The following NFRKB variants were observed in gnomAD, a reference collection of about 807,000 sequenced individuals.
NFRKB encodes the protein nuclear factor related to kappaB binding protein.
A neutral mutation model predicts 135.7 loss-of-function variants in NFRKB; 62 were observed. That is an observed-to-expected ratio of 0.46 (90% CI 0.37 to 0.56). The LOEUF is 0.56. Ranked by LOEUF, NFRKB falls within the 20% of genes least tolerant of loss-of-function variation. The pLI is 0.00. For synonymous variants in NFRKB, 678 were observed against 635.6 expected, an observed-to-expected ratio of 1.07 and a Z score of -1.00; for missense variants, 1,545 against 1,662.0, an observed-to-expected ratio of 0.93 and a Z score of 1.22.
At chr11:129,864,906 AG>A in intron 26 of NFRKB, 56 bp from the exon 27 acceptor site, 2 of 1,613,420 alleles carry the variant, frequency 1.2e-6, no homozygotes, top group South Asian at 2.2e-5. Context: ...TCACCAGTTA[AG>A]AACAGCAGTG....
At chr11:129,892,157 C>T (rs903171576) in intron 3 of NFRKB, among the ~76,000 whole-genome samples, 12 of 152,008 alleles carry the variant, frequency 7.9e-5, no homozygotes, top group African/African-American at 2.7e-4. Context: ...CGCCTATCAC[C>T]CAAGCAGTGT....
Position 129,870,221 on chromosome 11 carries a change from C to A in NFRKB, c.2804G>T (p.Gly935Val). ...TGQLGVKPQT[G>V]NSIPLTATNF... is the part of the protein sequence containing the mutation. ...AGTGGCTGTGAGTGGAATGCTGTTG[C>A]CTGTTTGGGGCTTCACACCAAGCTG... Residue 935 changes from glycine to valine, a missense_variant, in exon 24 of 27, where the codon GGC (glycine) becomes GTC (valine). This residue lies in a region of NFRKB where 753 missense variants were observed against 804.3 expected (regional missense o/e 0.94). Transcript: ENST00000682444. 1 of 1,614,128 alleles carries A rather than the reference C, an allele frequency of 6.2e-7. No homozygotes were observed. Among genetic ancestry groups the A allele is most frequent in the Non-Finnish European group, 8.5e-7 (1 of 1,179,996 alleles).
chr11:129,865,138 C>T (rs202051889), intron 25 of NFRKB, 37 bp from the exon 26 acceptor site: 178 of 1,588,916 alleles, frequency 1.1e-4, no homozygotes, highest in Middle Eastern at 4.5e-4. Context: ...ATAATGATAT[C>T]GACAGGTATT....
intron 16 of NFRKB, 71 bp downstream of exon 16, chr11:129,877,254 G>T: frequency 7.0e-7 from 1 of 1,418,880 alleles, no homozygotes; most frequent in South Asian, 1.1e-5. Context: ...AGATGCAGGA[G>T]AGTCAGGCTC....
chr11:129,876,914 C>G lies in NFRKB; in HGVS notation c.1573-19G>C. On this transcript the variant is annotated intron_variant, in intron 16 of 26. Coordinates refer to ENST00000682444, the MANE Select transcript of NFRKB (RefSeq NM_001143835.2). ...AACGCTCCTACCAAGAGACAAGGGA[C>G]AAGAGTTCTAGGTCAGAATTAGTGG... 6.2e-7 allele frequency: 1 copy of G among 1,609,896 alleles called. No homozygotes were observed. Among genetic ancestry groups the G allele is most frequent in the Non-Finnish European group, 8.5e-7 (1 of 1,177,718 alleles).
chr11:129,879,779 C>A (rs1336840084), intron 13 of NFRKB, among the ~76,000 whole-genome samples: 1 of 152,182 alleles, frequency 6.6e-6, no homozygotes, highest in Non-Finnish European at 1.5e-5. Context: ...CATCTGTGCC[C>A]TGCACCACAC....
intron 17 of NFRKB, 73 bp downstream of exon 17, chr11:129,876,648 G>A: frequency 6.5e-7 from 1 of 1,529,574 alleles, no homozygotes; most frequent in South Asian, 1.2e-5. Context: ...GGAGAGGACA[G>A]AGTTCAGAGT....
At chr11:129,872,855 G>A (rs1948579383) in intron 23 of NFRKB, 29 bp downstream of exon 23, 1 of 1,561,882 alleles carries the variant, frequency 6.4e-7, no homozygotes. Flanking sequence ...ATGAAGGATT[G>A]AGATCCACGT....
At position 129,874,841 on chromosome 11, in the gene NFRKB, G is replaced by A. The variant is rs1948686336; in HGVS notation, c.1930C>T (p.Arg644Ter). Residue 644 changes from arginine to a stop codon, truncating the protein, a stop_gained, in exon 19 of 27, where the codon CGA becomes TGA. Coordinates refer to ENST00000682444, the MANE Select transcript of NFRKB (RefSeq NM_001143835.2). LOFTEE classifies it high-confidence loss of function. The surrounding 1 kb of genome is among the most constrained non-coding windows in gnomAD (Gnocchi z 4.5). ...KDPCVKYDIG[R>*]KLWIYLHRDR... is the part of the protein sequence containing the mutation. ...CGATGCAGGTAGATCCACAGCTTTC[G>A]TCCAATGTCGTATTTCACACAGGGA... The A allele has an allele frequency of 6.2e-7, 1 of 1,614,016 alleles. No homozygotes were observed. Among genetic ancestry groups the A allele is most frequent in the Non-Finnish European group, 8.5e-7 (1 of 1,180,032 alleles).
At chr11:129,883,343 A>C in intron 8 of NFRKB, 137 bp from the exon 9 acceptor site, 1 of 651,762 alleles carries the variant, frequency 1.5e-6, no homozygotes, top group Non-Finnish European at 2.8e-6. Flanking sequence ...TAGAGAGATA[A>C]AACTATTCAT....
chr11:129,886,462 A>G lies in NFRKB; in HGVS notation c.338-18T>C, dbSNP rs1034202535. The G allele has an allele frequency of 6.2e-7, 1 of 1,610,364 alleles. No homozygotes were observed. Among genetic ancestry groups the G allele is most frequent in the African/African-American group, 1.3e-5 (1 of 74,846 alleles). On this transcript the variant is annotated intron_variant, in intron 4 of 26. Coordinates refer to ENST00000682444, the MANE Select transcript of NFRKB (RefSeq NM_001143835.2). ...GTGTCCGTCTTAAAAAAATAAAGGT[A>G]TATATATTTACATCAATCAACAAAT... is the stretch of plus-strand genomic sequence containing the variant.
At chr11:129,876,111 T>C (rs1385662063) in intron 17 of NFRKB, among the ~76,000 whole-genome samples, 1 of 152,218 alleles carries the variant, frequency 6.6e-6, no homozygotes, top group Non-Finnish European at 1.5e-5. Flanking sequence ...AGTGCTGTGA[T>C]GGTGTAATAG....
At chr11:129,865,191 G>A in intron 25 of NFRKB, 90 bp from the exon 26 acceptor site, 1 of 1,456,552 alleles carries the variant, frequency 6.9e-7, no homozygotes, top group Non-Finnish European at 9.3e-7. Context: ...ACAACAGGGA[G>A]GTCTGTGCCA....
chr11:129,892,714 C>T lies in NFRKB; in HGVS notation c.135+1G>A. On this transcript the variant is annotated splice_donor_variant, in intron 3 of 26. Transcript: ENST00000682444. LOFTEE classifies it high-confidence loss of function. ...AAGGTCACAACCGTGTTACTACTCA[C>T]ATCCTCCAGAAGGTCCTCGGGCAGA... 2 of 1,613,484 alleles carry T rather than the reference C, an allele frequency of 1.2e-6. No homozygotes were observed. Among genetic ancestry groups the T allele is most frequent in the Non-Finnish European group, 1.7e-6 (2 of 1,180,002 alleles).
chr11:129,892,674 G>A lies in NFRKB; in HGVS notation c.135+41C>T, dbSNP rs753537429. ...GGTTTCCCACAGCTGTTACAAGGAAGCTGACAGAGAGGAAAAGGTCACAAC... is the reference window on the plus strand; with the variant it reads ...GGTTTCCCACAGCTGTTACAAGGAAACTGACAGAGAGGAAAAGGTCACAAC... On this transcript the variant is annotated intron_variant, in intron 3 of 26. Transcript: ENST00000682444. 4.4e-6 allele frequency: 7 copies of A among 1,601,924 alleles called. No individual in the cohort carries two copies. The Admixed American group carries it at 8.4e-5, about 19-fold the overall frequency.
intron 3 of NFRKB, among the ~76,000 whole-genome samples, chr11:129,889,795 G>C (rs1041043767): frequency 4.0e-5 from 6 of 151,346 alleles, no homozygotes; most frequent in African/African-American, 1.5e-4. Context: ...AGCAACACCA[G>C]AAAAACAAAA....
intron 4 of NFRKB, chr11:129,888,372 G>T: frequency 1.5e-6 from 1 of 682,442 alleles, no homozygotes; most frequent in African/African-American, 1.8e-5. Flanking sequence ...GCTGATGCTG[G>T]TTACAAGCTG....
intron 3 of NFRKB, among the ~76,000 whole-genome samples, chr11:129,889,815 A>C (rs1230155666): frequency 6.6e-6 from 1 of 151,698 alleles, no homozygotes; most frequent in Admixed American, 6.6e-5. Flanking sequence ...AAAAGAATTA[A>C]CACAAAAGAA....
chr11:129,867,322 CTTTTTTTTTTT>C (rs894926200), intron 24 of NFRKB, among the ~76,000 whole-genome samples: 4 of 129,518 alleles, frequency 3.1e-5, no homozygotes, highest in Non-Finnish European at 4.9e-5. Context: ...CTAAGTAACT[CTTTTTTTTTTT>C]TTTTTTTTTT....
Sources: gnomAD v4.1 joint callset for allele counts (sites outside exome capture counted in the v4.1 genomes callset) on GRCh38, gnomAD v4.1.1 for gene constraint, gnomAD v4.1.1 regional missense constraint, Gnocchi (gnomAD v3.1) non-coding constraint, MANE v1.5 for transcripts, NCBI Gene and HGNC (gene_info 2026-07-23, HGNC 2026-07-21) for gene names.